UGGT1: variants seen among roughly 807,000 people sequenced by gnomAD.
UGGT1 encodes UDP-glucose glycoprotein glucosyltransferase 1.
In UGGT1, 107 loss-of-function variants were observed where a neutral mutation model predicts 203.9. That is an observed-to-expected ratio of 0.52 (90% CI 0.45 to 0.62). The LOEUF is 0.62. UGGT1 is among the 20% of genes least tolerant of loss of function. The pLI is 0.00. For missense variants in UGGT1, 1,673 were observed against 1,867.2 expected (o/e 0.90, Z 1.92); for synonymous variants, 628 against 653.5 (o/e 0.96, Z 0.59).
intron 28 of UGGT1, among the ~76,000 whole-genome samples, chr2:128,171,633 T>C (rs549618227): frequency 6.6e-6 from 1 of 152,148 alleles, no homozygotes; most frequent in South Asian, 2.1e-4. Flanking sequence ...TCAGCCTCCT[T>C]AGTAGCTGGG....
chr2:128,182,307 C>G lies in UGGT1; in HGVS notation c.4244+17C>G. 3.1e-6 allele frequency: 5 copies of G among 1,596,862 alleles called. No individual in the cohort carries two copies. Among genetic ancestry groups the G allele is most frequent in the Non-Finnish European group, 4.3e-6 (5 of 1,172,650 alleles). The stretch of plus-strand genomic sequence containing the variant: ...TCATATCAGGTACTGAAAAGAAGCA[C>G]TCCTAACACTGTTACGGGGTTTTCC... On this transcript the variant is annotated intron_variant, in intron 37 of 40. Coordinates refer to ENST00000259253, the MANE Select transcript of UGGT1 (RefSeq NM_020120.4).
intron 40 of UGGT1, among the ~76,000 whole-genome samples, chr2:128,189,301 A>G (rs1053000717): frequency 1.3e-5 from 2 of 152,250 alleles, no homozygotes; most frequent in African/African-American, 2.4e-5. Flanking sequence ...ACAAAGTTGT[A>G]TACATGAAAA....
In UGGT1 at chr2:128,172,581, G is replaced by T; in HGVS notation, c.3113G>T (p.Arg1038Leu). ...LSDMPLKSFYRYVLEPEISFT... is the reference protein window; with the variant it reads ...LSDMPLKSFYLYVLEPEISFT... ...TTCCTTTTCAATTTCAGCTTTTACC[G>T]TTATGTCTTAGAACCAGAGATTTCT... Residue 1038 changes from arginine to leucine, a missense_variant, in exon 29 of 41, where the codon CGT becomes CTT. Physicochemically the swap from Arg to Leu is moderately radical, Grantham distance 102. This residue lies in a region of UGGT1 where 513 missense variants were observed against 684.1 expected (regional missense o/e 0.75). Transcript: ENST00000259253. 6.2e-7 allele frequency: 1 copy of T among 1,613,894 alleles called. No individual in the cohort carries two copies. The highest frequency in any genetic ancestry group is 2.2e-5 in the East Asian group (1 of 44,882).
intron 22 of UGGT1, among the ~76,000 whole-genome samples, chr2:128,157,549 G>A (rs769203756): frequency 1.3e-5 from 2 of 152,128 alleles, no homozygotes; most frequent in African/African-American, 4.8e-5. Flanking sequence ...TTTGTTGAAC[G>A]GGATAGATTC....
intron 8 of UGGT1, among the ~76,000 whole-genome samples, chr2:128,118,230 T>C (rs996084115): frequency 2.0e-5 from 3 of 152,302 alleles, no homozygotes; most frequent in East Asian, 1.9e-4. Context: ...TGTAATCATA[T>C]TCTATTTTTA....
At chr2:128,154,313 T>G (rs552292757) in intron 19 of UGGT1, among the ~76,000 whole-genome samples, 1 of 152,336 alleles carries the variant, frequency 6.6e-6, no homozygotes, top group South Asian at 2.1e-4. Context: ...TACACATGAA[T>G]AAGGAACATA....
In UGGT1 at chr2:128,171,092, C is replaced by T. The variant is rs562228108; in HGVS notation, c.3025-113C>T. 166 of 968,806 alleles carry T rather than the reference C, an allele frequency of 1.7e-4. 3 individuals are homozygous for T. In the South Asian group the frequency reaches 2.8e-3, roughly 16 times the overall value. The allele number at this position is 968,806 out of a possible 1,614,324, so 60.0% of individuals were successfully genotyped here. On this transcript the variant is annotated intron_variant, in intron 27 of 40. Coordinates refer to ENST00000259253, the MANE Select transcript of UGGT1 (RefSeq NM_020120.4). Reference sequence around the variant, plus strand: ...TTTCCAGAAGTTTCGCCAGTGCAGACTCTGTGGCTGTTATCTTTATATCTT... The same window carrying T: ...TTTCCAGAAGTTTCGCCAGTGCAGATTCTGTGGCTGTTATCTTTATATCTT...
At position 128,110,667 on chromosome 2, in the gene UGGT1, C is replaced by T. The variant is rs148559114; in HGVS notation, c.521+921C>T. On this transcript the variant is annotated intron_variant, in intron 5 of 40. Transcript: ENST00000259253. ...AACGGTGTCTCCTCTCTCTGAGAGG[C>T]GGTAACTGCTTTTAATGGTTTGGCA... Among the ~76,000 whole-genome samples the T allele has an allele frequency of 5.7e-3, 875 of 152,276 alleles. 9 individuals are homozygous for T. The highest frequency in any genetic ancestry group is 0.02 in the African/African-American group (826 of 41,554).
chr2:128,141,703 T>C (rs1333065287), intron 16 of UGGT1, among the ~76,000 whole-genome samples: 1 of 149,516 alleles, frequency 6.7e-6, no homozygotes, highest in Non-Finnish European at 1.5e-5. Context: ...CCCAGCTAAT[T>C]GGGAGGCTGA....
intron 15 of UGGT1, among the ~76,000 whole-genome samples, chr2:128,138,237 T>C (rs1689227112): frequency 6.6e-6 from 1 of 152,168 alleles, no homozygotes; most frequent in Non-Finnish European, 1.5e-5. Flanking sequence ...ACTTTGTAAG[T>C]GGCCGGGCAT....
intron 26 of UGGT1, among the ~76,000 whole-genome samples, chr2:128,167,210 C>T (rs981138132): frequency 2.0e-5 from 3 of 152,118 alleles, no homozygotes; most frequent in East Asian, 1.9e-4. Context: ...CCCAAGGTAG[C>T]GAGTCCTGAG....
chr2:128,166,766 T>C (rs1264544656), intron 26 of UGGT1, among the ~76,000 whole-genome samples: 1 of 152,238 alleles, frequency 6.6e-6, no homozygotes, highest in African/African-American at 2.4e-5. Flanking sequence ...GCCTTTGCTG[T>C]AGCTGGCAAG....
intron 18 of UGGT1, among the ~76,000 whole-genome samples, chr2:128,146,485 A>T (rs1179389152): frequency 6.6e-6 from 1 of 152,170 alleles, no homozygotes; most frequent in East Asian, 1.9e-4. Flanking sequence ...AATTGCAGGC[A>T]GTTCTAAGAA....
Position 128,103,954 on chromosome 2 carries a change from C to A in UGGT1, c.217C>A (p.Gln73Lys), listed in dbSNP as rs1207914892. 3 of 1,591,240 alleles carry A rather than the reference C, an allele frequency of 1.9e-6. No individual in the cohort carries two copies. The highest frequency in any genetic ancestry group is 2.6e-6 in the Non-Finnish European group (3 of 1,173,596). The change falls in exon 3 of 41, where the codon CAA becomes AAA. Residue 73 changes from glutamine to lysine, a missense_variant. This residue lies in a region of UGGT1 where 83 missense variants were observed against 87.2 expected (regional missense o/e 0.95). Coordinates refer to ENST00000259253, the MANE Select transcript of UGGT1 (RefSeq NM_020120.4). ...CAGTGAGTTTTTAGCAGAAGACAGT[C>A]AAGAGAAATTTTGGAATTTTGTAGA... ...EASEFLAEDS[Q>K]EKFWNFVEAS...
chr2:128,110,858 C>T (rs36084105), intron 5 of UGGT1, among the ~76,000 whole-genome samples: 24,852 of 151,944 alleles, frequency 0.16, 2,398 homozygotes, highest in South Asian at 0.32. Flanking sequence ...TACCTCTTAC[C>T]GATGGATTTT....
chr2:128,182,590 T>A (rs1399053175), intron 37 of UGGT1, among the ~76,000 whole-genome samples: 1 of 150,286 alleles, frequency 6.7e-6, no homozygotes, highest in African/African-American at 2.5e-5. Context: ...TCCCAGCTAC[T>A]CGGGAGGCTA....
rs1687164874 is a variant in UGGT1 at position 128,097,463 on chromosome 2, C to T, written c.93C>T (p.Leu31=). 2 of 1,614,014 alleles carry T rather than the reference C, an allele frequency of 1.2e-6. No homozygotes were observed. Among genetic ancestry groups the T allele is most frequent in the African/African-American group, 1.3e-5 (1 of 74,926 alleles). Residue 31 remains leucine, a synonymous_variant, in exon 2 of 41, where the codon CTC becomes CTT. Coordinates refer to ENST00000259253, the MANE Select transcript of UGGT1 (RefSeq NM_020120.4). ...ATAAAATGGGAGTTCTGGTTGTACT[C>T]ACTGTTCTGTGGCTGTTCTCCTCAG... ...VCYKMGVLVV[L]TVLWLFSSVK...
intron 16 of UGGT1, 36 bp downstream of exon 16, chr2:128,138,888 A>T: frequency 6.2e-7 from 1 of 1,612,260 alleles, no homozygotes; most frequent in East Asian, 2.2e-5. Flanking sequence ...TAATTTTTTC[A>T]GATCTAACTT....
At chr2:128,103,892 A>G in intron 2 of UGGT1, 40 bp from the exon 3 acceptor site, 1 of 1,482,242 alleles carries the variant, frequency 6.7e-7, no homozygotes, top group Non-Finnish European at 9.2e-7. Flanking sequence ...TATATTAGAA[A>G]ATTTTATTAA....
Sources: allele counts gnomAD v4.1 joint callset (sites outside exome capture counted in the v4.1 genomes callset), GRCh38; gene constraint gnomAD v4.1.1; regional missense constraint gnomAD v4.1.1; transcripts MANE v1.5; gene names NCBI Gene and HGNC (gene_info 2026-07-23, HGNC 2026-07-21).